Variants in CATSPERD observed in about 807,000 individuals in gnomAD.
The protein encoded by CATSPERD is cation channel sperm-associated auxiliary subunit delta.
CATSPERD carries 86 observed loss-of-function variants against 98.1 expected under a neutral mutation model. That is an observed-to-expected ratio of 0.88 (90% confidence interval 0.74 to 1.05). The LOEUF (loss-of-function observed/expected upper bound fraction) is 1.05. Among genes scored for constraint, CATSPERD ranks in the 50% least tolerant of loss-of-function variants. CATSPERD has a pLI of 0.00. For missense variants in CATSPERD, 995 were observed against 1,005.7 expected (o/e 0.99, Z 0.14); for synonymous variants, 394 against 390.2 (o/e 1.01, Z -0.12).
intron 18 of CATSPERD, among the ~76,000 whole-genome samples, chr19:5,769,911 A>C (rs1011636643): frequency 1.3e-5 from 2 of 151,746 alleles, no homozygotes; most frequent in Non-Finnish European, 2.9e-5. Flanking sequence ...CAACATGGTG[A>C]AATCCCGTCT....
chr19:5,764,100 T>A (rs2145835549), intron 16 of CATSPERD, among the ~76,000 whole-genome samples: 1 of 151,946 alleles, frequency 6.6e-6, no homozygotes, highest in East Asian at 1.9e-4. Context: ...CTGCCCACCT[T>A]GGCCTCCCAA....
chr19:5,768,719 G>A (rs1443506628), intron 18 of CATSPERD, among the ~76,000 whole-genome samples: 1 of 152,048 alleles, frequency 6.6e-6, no homozygotes, highest in Non-Finnish European at 1.5e-5. Flanking sequence ...CCACAGCCTC[G>A]ACCTCCTGGG....
At chr19:5,735,403 C>T (rs565543679) in intron 5 of CATSPERD, among the ~76,000 whole-genome samples, 13 of 151,392 alleles carry the variant, frequency 8.6e-5, no homozygotes, top group South Asian at 2.1e-4. Context: ...CTCTGCCTCT[C>T]GGGTTCAAGC....
rs1028162507 is a variant in CATSPERD at position 5,739,231 on chromosome 19, T to C, written c.460-95T>C. 1.7e-5 allele frequency: 13 copies of C among 749,674 alleles called. No individual in the cohort carries two copies. The African/African-American group carries it at 2.3e-4, about 13-fold the overall frequency. 46.4% of individuals were successfully genotyped at this position (749,674 alleles called of 1,614,324 possible). A position where few individuals can be genotyped will look rare whatever the true frequency, so the allele number is the denominator to read the frequency against. ...GTCACGTCCAGACATCCAGGTTTTT[T>C]TCAGTCATGAGTTTTCATTTCTCTG... On this transcript the variant is annotated intron_variant, in intron 6 of 21. Transcript: ENST00000381624.
chr19:5,722,634 A>C (rs2055514391), intron 1 of CATSPERD, among the ~76,000 whole-genome samples: 1 of 151,870 alleles, frequency 6.6e-6, no homozygotes. Context: ...CATCAAGATC[A>C]CCTGGAATTT....
At chr19:5,728,038 C>CAAAAAAAAAAAA (rs56411287) in intron 3 of CATSPERD, among the ~76,000 whole-genome samples, 1 of 128,380 alleles carries the variant, frequency 7.8e-6, no homozygotes, top group Non-Finnish European at 1.6e-5. Context: ...CCAGTATCTA[C>CAAAAAAAAAAAA]AAAAAAAAAA....
Position 5,766,280 on chromosome 19 carries a change from G to C in CATSPERD, c.1559+125G>C, listed in dbSNP as rs867622305. ...AGCCTGGCCAACATGGCGAAACCCC[G>C]TCTCTACTGAAAAAAAAAAAAAAAA... is the stretch of plus-strand genomic sequence containing the variant. On this transcript the variant is annotated intron_variant, in intron 17 of 21. Coordinates refer to ENST00000381624, the MANE Select transcript of CATSPERD (RefSeq NM_152784.4). The C allele has an allele frequency of 1.1e-4, 43 of 409,416 alleles. 1 individual carries two copies. Among genetic ancestry groups the C allele is most frequent in the South Asian group, 3.1e-4 (6 of 19,308 alleles). 25.4% of individuals were successfully genotyped at this position (409,416 alleles called of 1,614,324 possible). A position where few individuals can be genotyped will look rare whatever the true frequency, so the allele number is the denominator to read the frequency against.
intron 18 of CATSPERD, among the ~76,000 whole-genome samples, chr19:5,769,704 C>T (rs367830761): frequency 2.6e-5 from 4 of 152,214 alleles, no homozygotes; most frequent in Non-Finnish European, 4.4e-5. Flanking sequence ...TTGGAACCTG[C>T]GGAGGACACA....
intron 5 of CATSPERD, among the ~76,000 whole-genome samples, chr19:5,734,328 C>G (rs2055798187): frequency 6.6e-6 from 1 of 152,140 alleles, no homozygotes; most frequent in Admixed American, 6.6e-5. Context: ...CATGGCGAAA[C>G]CCGGTCTCTA....
chr19:5,741,511 G>C (rs1244219236), intron 7 of CATSPERD, among the ~76,000 whole-genome samples: 1 of 152,002 alleles, frequency 6.6e-6, no homozygotes, highest in Non-Finnish European at 1.5e-5. Flanking sequence ...AAGAACCAAC[G>C]AACAGTGCTC....
intron 2 of CATSPERD, among the ~76,000 whole-genome samples, chr19:5,725,677 G>A (rs1007252135): frequency 2.0e-5 from 3 of 152,072 alleles, no homozygotes; most frequent in Middle Eastern, 3.4e-3. Flanking sequence ...CGAGGCGGGC[G>A]GATCCCTGAG....
At chr19:5,777,435 A>G (rs1203100867) in intron 21 of CATSPERD, among the ~76,000 whole-genome samples, 2 of 152,114 alleles carry the variant, frequency 1.3e-5, no homozygotes, top group Non-Finnish European at 2.9e-5. Flanking sequence ...GCCCTGACCT[A>G]GCCTCCACTG....
At chr19:5,741,802 T>TG (rs1172935678) in intron 7 of CATSPERD, among the ~76,000 whole-genome samples, 1 of 32,026 alleles carries the variant, frequency 3.1e-5, no homozygotes, top group African/African-American at 1.1e-4. Flanking sequence ...GGGGGGGTGG[T>TG]GTGGATCACT....
At chr19:5,760,437 C>T (rs1373176885) in intron 15 of CATSPERD, among the ~76,000 whole-genome samples, 2 of 150,958 alleles carry the variant, frequency 1.3e-5, no homozygotes, top group African/African-American at 4.9e-5. Context: ...ACGCAAGATA[C>T]AGGCTAGATT....
At chr19:5,768,347 A>ATTTATTTATTTAT in intron 18 of CATSPERD, 105 bp downstream of exon 18, 1 of 640,210 alleles carries the variant, frequency 1.6e-6, no homozygotes, top group African/African-American at 2.9e-5. Flanking sequence ...TTTATTTATT[A>ATTTATTTATTTAT]TTATTATTGA....
At position 5,778,697 on chromosome 19, in the gene CATSPERD, A is replaced by G; in HGVS notation, c.*21A>G. ...ACTGAGGCCGGTCCACAGGGTCCCA[A>G]CCCCTTGTCTTCAAATAAAGTATAA... On this transcript the variant is annotated 3_prime_UTR_variant, in exon 22 of 22. Transcript: ENST00000381624. 6.3e-7 allele frequency: 1 copy of G among 1,587,654 alleles called. No homozygotes were observed. Among genetic ancestry groups the G allele is most frequent in the Non-Finnish European group, 8.6e-7 (1 of 1,166,866 alleles).
chr19:5,776,373 C>A (rs1320032869), intron 21 of CATSPERD, 58 bp downstream of exon 21: 3 of 1,587,060 alleles, frequency 1.9e-6, no homozygotes, highest in Admixed American at 1.7e-5. Flanking sequence ...GGGGGCAGGT[C>A]ACCCGTTTCG....
chr19:5,731,560 G>T (rs1488154871), intron 4 of CATSPERD, among the ~76,000 whole-genome samples: 67 of 75,720 alleles, frequency 8.8e-4, no homozygotes, highest in African/African-American at 9.4e-4. Context: ...ACACTTAACA[G>T]TTTTTTTTTT....
chr19:5,761,700 ATTCT>A (rs2056438401), intron 15 of CATSPERD, among the ~76,000 whole-genome samples: 1 of 70,582 alleles, frequency 1.4e-5, no homozygotes, highest in African/African-American at 4.9e-5. Flanking sequence ...ACTATCATAC[ATTCT>A]TTTTTTTTTT....
Sources: allele counts gnomAD v4.1 joint callset (sites outside exome capture counted in the v4.1 genomes callset), GRCh38; gene constraint gnomAD v4.1.1; transcripts MANE v1.5; gene names NCBI Gene and HGNC (gene_info 2026-07-23, HGNC 2026-07-21).